The following ACCSL variants were observed in gnomAD, a reference collection of about 807,000 sequenced individuals.
ACCSL encodes probable inactive 1-aminocyclopropane-1-carboxylate synthase-like protein 2.
ACCSL carries 55 observed loss-of-function variants against 61.7 expected under a neutral mutation model. That is an observed-to-expected ratio of 0.89 (90% CI 0.72 to 1.12). The LOEUF (loss-of-function observed/expected upper bound fraction) is 1.12, where lower values mean the gene tolerates loss of function less well. Among genes scored for constraint, ACCSL ranks in the 50% most tolerant of loss-of-function variants. The probability of loss-of-function intolerance (pLI) is 0.00; values close to 1 mark genes in which losing one functional copy is unlikely to be tolerated. For missense variants in ACCSL, 632 were observed against 698.0 expected (o/e 0.91, Z 1.07); for synonymous variants, 258 against 264.3 (o/e 0.98, Z 0.23).
the ACCSL span, among the ~76,000 whole-genome samples, chr11:44,014,548 A>G: frequency 3.6e-4 from 54 of 149,428 alleles, no homozygotes; most frequent in Admixed American, 9.4e-4. Context: ...GTCTTTTATC[A>G]CCTAATCTCA....
chr11:43,926,260 A>G, the ACCSL span, among the ~76,000 whole-genome samples: 1 of 152,124 alleles, frequency 6.6e-6, no homozygotes, highest in South Asian at 2.1e-4. Context: ...CGGCGGCCCC[A>G]CCACATGCTC....
At chr11:44,044,400 T>A (rs987896277), upstream of ACCSL, among the ~76,000 whole-genome samples, 1 of 152,148 alleles carries the variant, frequency 6.6e-6, no homozygotes, top group Non-Finnish European at 1.5e-5. Flanking sequence ...TCTTCCAACA[T>A]CCTACAGTTA....
At chr11:43,934,536 T>A in the ACCSL span, among the ~76,000 whole-genome samples, 2 of 152,000 alleles carry the variant, frequency 1.3e-5, no homozygotes, top group Admixed American at 6.5e-5. Context: ...ACACCCAAAG[T>A]GTAGATGGAC....
At chr11:44,005,468 T>C in the ACCSL span, among the ~76,000 whole-genome samples, 1 of 152,038 alleles carries the variant, frequency 6.6e-6, no homozygotes, top group African/African-American at 2.4e-5. Flanking sequence ...TTTGTTTTGC[T>C]CCTCGACTCA....
chr11:44,042,110 ATCTAC>A, the ACCSL span, among the ~76,000 whole-genome samples: 1 of 152,218 alleles, frequency 6.6e-6, no homozygotes, highest in Non-Finnish European at 1.5e-5. Flanking sequence ...GATATTGATA[ATCTAC>A]TCATAGGTGA....
rs1291732023 is a variant in ACCSL at position 44,058,375 on chromosome 11, G to C, written c.1386G>C (p.Lys462Asn). Residue 462 changes from lysine to asparagine, a missense_variant, in exon 12 of 14, where the codon AAG becomes AAC. By Grantham distance (94) the Lys-to-Asn change is moderately conservative. Transcript: ENST00000378832. ...TNCYRLREAH[K>N]YITAELKALE... ...GCTACCGGCTCCGGGAAGCTCACAA[G>C]TACATCACTGCTGAGCTGAAGGCAT... 1.9e-6 allele frequency: 3 copies of C among 1,614,148 alleles called. No homozygotes were observed. Among genetic ancestry groups the C allele is most frequent in the Non-Finnish European group, 2.5e-6 (3 of 1,180,036 alleles).
the ACCSL span, among the ~76,000 whole-genome samples, chr11:44,000,428 G>A: frequency 1.6e-5 from 2 of 128,248 alleles, no homozygotes; most frequent in Non-Finnish European, 3.4e-5. Flanking sequence ...CTGGCCCCCT[G>A]TCTCTATTTT....
chr11:43,999,073 C>G, the ACCSL span, among the ~76,000 whole-genome samples: 1 of 152,164 alleles, frequency 6.6e-6, no homozygotes, highest in Non-Finnish European at 1.5e-5. Context: ...CTCTGTGCCT[C>G]AGTTTCCTCG....
chr11:44,059,853 G>C lies in ACCSL; in HGVS notation c.1640G>C (p.Cys547Ser). ...AACCCTCTAGCTATGCGTCGGTTCT[G>C]TGATGTGCTGCAGGAGCAGAAGGAG... The part of the protein sequence containing the change: ...PRLKLAMRRF[C>S]DVLQEQKEAL... Residue 547 changes from cysteine (C) to serine (S), a missense_variant, in exon 14 of 14, where the codon TGT becomes TCT. Coordinates refer to ENST00000378832, the MANE Select transcript of ACCSL (RefSeq NM_001031854.2). 6.2e-7 allele frequency: 1 copy of C among 1,613,796 alleles called. No homozygotes were observed. The highest frequency in any genetic ancestry group is 8.5e-7 in the Non-Finnish European group (1 of 1,179,810).
the ACCSL span, among the ~76,000 whole-genome samples, chr11:43,934,377 G>A: frequency 2.6e-5 from 4 of 152,124 alleles, no homozygotes; most frequent in East Asian, 1.9e-4. Flanking sequence ...AGGACCACCC[G>A]AAAAAGACTC....
the ACCSL span, among the ~76,000 whole-genome samples, chr11:43,964,919 A>G: frequency 1.3e-5 from 2 of 152,232 alleles, no homozygotes; most frequent in South Asian, 4.1e-4. Flanking sequence ...ACACTCAGGA[A>G]ACTAGGAATA....
chr11:43,965,134 A>G, the ACCSL span, among the ~76,000 whole-genome samples: 1 of 152,242 alleles, frequency 6.6e-6, no homozygotes, highest in Non-Finnish European at 1.5e-5. Flanking sequence ...CAAATTGGAA[A>G]GGAAGAAGTA....
the ACCSL span, among the ~76,000 whole-genome samples, chr11:43,939,603 G>A: frequency 6.7e-6 from 1 of 148,744 alleles, no homozygotes; most frequent in African/African-American, 2.5e-5. Flanking sequence ...AAAATACACA[G>A]AAGTCAACTT....
chr11:43,943,949 G>A, the ACCSL span: 5 of 992,622 alleles, frequency 5.0e-6, no homozygotes, highest in African/African-American at 3.4e-5. This position sits in a 1 kb window ranked among gnomAD's most constrained non-coding sequence, Gnocchi z 4.8. Flanking sequence ...GGAGGTGGGG[G>A]AGGAGGTGGC....
chr11:44,053,557 A>G (rs372317879), intron 8 of ACCSL, 51 bp downstream of exon 8: 11 of 1,529,024 alleles, frequency 7.2e-6, no homozygotes, highest in African/African-American at 5.5e-5. Flanking sequence ...AAGGATTCCC[A>G]TCACTTATAG....
At chr11:43,964,298 C>T in the ACCSL span, among the ~76,000 whole-genome samples, 1 of 151,746 alleles carries the variant, frequency 6.6e-6, no homozygotes, top group Non-Finnish European at 1.5e-5. Context: ...AAAAAATTAG[C>T]CAGTGGTGGG....
the ACCSL span, among the ~76,000 whole-genome samples, chr11:43,983,308 T>A: frequency 1.5e-4 from 23 of 152,260 alleles, 1 homozygote; most frequent in South Asian, 4.6e-3. Flanking sequence ...GAGACCAAGT[T>A]TGAATTAGAG....
At chr11:44,043,727 G>A (rs1422051286), upstream of ACCSL, among the ~76,000 whole-genome samples, 1 of 151,968 alleles carries the variant, frequency 6.6e-6, no homozygotes, top group African/African-American at 2.4e-5. Flanking sequence ...ACTTTCTCTT[G>A]TCTTCATGCC....
the ACCSL span, among the ~76,000 whole-genome samples, chr11:43,980,095 G>A: frequency 6.6e-6 from 1 of 152,086 alleles, no homozygotes; most frequent in Non-Finnish European, 1.5e-5. Context: ...TTTCTTCTTT[G>A]TAATAAATCT....
Sources: gnomAD v4.1 joint callset for allele counts (sites outside exome capture counted in the v4.1 genomes callset) on GRCh38, gnomAD v4.1.1 for gene constraint, Gnocchi (gnomAD v3.1) non-coding constraint, MANE v1.5 for transcripts, NCBI Gene and HGNC (gene_info 2026-07-23, HGNC 2026-07-21) for gene names.